ABR: variants seen among roughly 807,000 people sequenced by gnomAD.
ABR encodes the protein ABR activator of RhoGEF and GTPase, also known as active breakpoint cluster region-related protein.
In ABR, 35 loss-of-function variants were observed where a neutral mutation model predicts 107.2. That is an observed-to-expected ratio of 0.33 (90% CI 0.25 to 0.43). The LOEUF is 0.43. ABR is among the 20% of genes least tolerant of loss of function. The pLI, the probability that ABR is intolerant of heterozygous loss-of-function variation, is 1.00. For missense variants in ABR, 815 were observed against 1,115.2 expected (o/e 0.73, Z 3.83); for synonymous variants, 498 against 462.0 (o/e 1.08, Z -1.00).
chr17:1,011,053 G>A lies in ABR; in HGVS notation c.2102-190C>T, dbSNP rs1426201992. 1.5e-6 allele frequency: 1 copy of A among 677,306 alleles called. No individual in the cohort carries two copies. The highest frequency in any genetic ancestry group is 1.8e-5 in the African/African-American group (1 of 55,370). 42.0% of individuals were successfully genotyped at this position (677,306 alleles called of 1,614,324 possible). ...TGGGTCGGGGTTGGGGGAACAGGGA[G>A]AGATAGCCTGGGGGCCATCTGCTGT... is the stretch of plus-strand genomic sequence containing the variant. On this transcript the variant is annotated intron_variant, in intron 19 of 22. Transcript: ENST00000302538. The surrounding 1 kb of genome is among the most constrained non-coding windows in gnomAD (Gnocchi z 4.8).
chr17:1,028,502 A>G (rs917075691), intron 16 of ABR, among the ~76,000 whole-genome samples: 1 of 152,206 alleles, frequency 6.6e-6, no homozygotes, highest in African/African-American at 2.4e-5. Context: ...TTCTAAGACC[A>G]TCATGAGCCT....
At chr17:1,124,916 AC>A (rs1446662925) in intron 2 of ABR, among the ~76,000 whole-genome samples, 1 of 152,120 alleles carries the variant, frequency 6.6e-6, no homozygotes, top group Non-Finnish European at 1.5e-5. Context: ...TGAAAGAGGC[AC>A]GGAGGGGTCT....
chr17:1,126,268 T>C (rs1324454768), intron 1 of ABR: 3 of 152,480 alleles, frequency 2.0e-5, no homozygotes, highest in African/African-American at 7.2e-5. Flanking sequence ...CCCACCAGCA[T>C]GGCTATAGGA....
At chr17:1,043,702 G>A (rs1186012140) in intron 16 of ABR, among the ~76,000 whole-genome samples, 5 of 152,122 alleles carry the variant, frequency 3.3e-5, no homozygotes, top group African/African-American at 1.2e-4. Flanking sequence ...AATAAAGGCC[G>A]GACGCGGTGG....
chr17:1,084,001 G>T lies in ABR; in HGVS notation c.532-374C>A, dbSNP rs567850142. ...CTTCCTTCACATCCTGGAATTAGCC[G>T]GAGCAGGGAGAGAGGGGGGTGTGTG... On this transcript the variant is annotated intron_variant, in intron 4 of 22. Coordinates refer to ENST00000302538, the MANE Select transcript of ABR (RefSeq NM_021962.5). The surrounding 1 kb of genome is among the most constrained non-coding windows in gnomAD (Gnocchi z 4.2). Among the ~76,000 whole-genome samples, 1 of 152,162 alleles carries T rather than the reference G, an allele frequency of 6.6e-6. No individual in the cohort carries two copies. The highest frequency in any genetic ancestry group is 2.4e-5 in the African/African-American group (1 of 41,438).
Position 1,027,221 on chromosome 17 carries a change from T to C in ABR, c.1792-14057A>G, listed in dbSNP as rs1365419437. On this transcript the variant is annotated intron_variant, in intron 16 of 22. Coordinates refer to ENST00000302538, the MANE Select transcript of ABR (RefSeq NM_021962.5). This position sits in a 1 kb window ranked among gnomAD's most constrained non-coding sequence, Gnocchi z 4.7. ...CCCTGGTCCAGAGCCATCCAAAAGCTGGGGCACCGCGCCCAGCACCGCTGG... is the reference window on the plus strand; with the variant it reads ...CCCTGGTCCAGAGCCATCCAAAAGCCGGGGCACCGCGCCCAGCACCGCTGG... 6.6e-6 allele frequency among the ~76,000 whole-genome samples: 1 copy of C among 152,110 alleles called. No homozygotes were observed. Among genetic ancestry groups the C allele is most frequent in the Non-Finnish European group, 1.5e-5 (1 of 68,018 alleles).
intron 1 of ABR, among the ~76,000 whole-genome samples, chr17:1,128,230 G>A (rs2039681730): frequency 6.6e-6 from 1 of 152,224 alleles, no homozygotes; most frequent in African/African-American, 2.4e-5. Context: ...AAAAGATGGG[G>A]AAACCAATCC....
At chr17:1,214,383 G>A (rs2042959686) in intron 1 of ABR, among the ~76,000 whole-genome samples, 2 of 152,118 alleles carry the variant, frequency 1.3e-5, no homozygotes, top group South Asian at 2.1e-4. Flanking sequence ...CCACCCCAGG[G>A]ATGACTTAGG....
chr17:1,107,174 C>G (rs1199924041), intron 2 of ABR, among the ~76,000 whole-genome samples: 1 of 152,224 alleles, frequency 6.6e-6, no homozygotes, highest in Non-Finnish European at 1.5e-5. Flanking sequence ...AAGACACCAT[C>G]CCGGTGCTCA....
chr17:1,038,104 C>T (rs1353468843), intron 16 of ABR, among the ~76,000 whole-genome samples: 1 of 151,976 alleles, frequency 6.6e-6, no homozygotes, highest in African/African-American at 2.4e-5. Context: ...CTGGCTCACA[C>T]CTGCTTTTCC....
At chr17:1,201,414 C>G (rs557353141) in intron 1 of ABR, among the ~76,000 whole-genome samples, 1 of 152,144 alleles carries the variant, frequency 6.6e-6, no homozygotes, top group Non-Finnish European at 1.5e-5. Flanking sequence ...CCTGTTCCCT[C>G]GTTAGCACTC....
intron 1 of ABR, among the ~76,000 whole-genome samples, chr17:1,152,483 C>T (rs907225153): frequency 4.0e-5 from 6 of 148,486 alleles, no homozygotes; most frequent in East Asian, 2.0e-4. Context: ...CTCAGCTACT[C>T]GGGAGGCTGA....
At chr17:1,016,522 G>T (rs1185108872) in intron 16 of ABR, among the ~76,000 whole-genome samples, 1 of 151,852 alleles carries the variant, frequency 6.6e-6, no homozygotes, top group Admixed American at 6.6e-5. Flanking sequence ...CACCATGTTG[G>T]CCAGGCTGGT....
At chr17:1,044,846 G>A (rs1038086841) in intron 16 of ABR, among the ~76,000 whole-genome samples, 3 of 152,110 alleles carry the variant, frequency 2.0e-5, no homozygotes, top group Admixed American at 6.5e-5. Flanking sequence ...TCCCTTCTGC[G>A]GAAGCGGAGC....
chr17:1,025,689 A>T (rs1174328491), intron 16 of ABR, among the ~76,000 whole-genome samples: 2 of 152,142 alleles, frequency 1.3e-5, no homozygotes, highest in African/African-American at 4.8e-5. Flanking sequence ...TTCGTTCAAA[A>T]GTGATCCTCT....
intron 16 of ABR, among the ~76,000 whole-genome samples, chr17:1,033,920 G>C (rs1395136431): frequency 6.6e-6 from 1 of 151,038 alleles, no homozygotes. Context: ...TCTCCTCCAG[G>C]AAGGCTCTGC....
intron 16 of ABR, among the ~76,000 whole-genome samples, chr17:1,030,968 G>C (rs1185413288): frequency 6.6e-6 from 1 of 152,248 alleles, no homozygotes; most frequent in Non-Finnish European, 1.5e-5. Flanking sequence ...CCCAGCTGCA[G>C]GACAGTCGGC....
chr17:1,091,339 AGGAGCACCCTCCGGGAGAGAG>A (rs2037015974), intron 4 of ABR, among the ~76,000 whole-genome samples: 3 of 114,886 alleles, frequency 2.6e-5, no homozygotes, highest in Admixed American at 9.6e-5. Flanking sequence ...GGGAGGGAGA[AGGAGCACCCTCCGGGAGAGAG>A]ATGGTGCTCC....
At chr17:1,018,249 A>T (rs570507613) in intron 16 of ABR, among the ~76,000 whole-genome samples, 58 of 151,376 alleles carry the variant, frequency 3.8e-4, no homozygotes, top group Middle Eastern at 3.5e-3. Flanking sequence ...TCACCGTGTT[A>T]GCCAGGATGG....
Sources: gnomAD v4.1 joint callset for allele counts (sites outside exome capture counted in the v4.1 genomes callset) on GRCh38, gnomAD v4.1.1 for gene constraint, Gnocchi (gnomAD v3.1) non-coding constraint, MANE v1.5 for transcripts, NCBI Gene and HGNC (gene_info 2026-07-23, HGNC 2026-07-21) for gene names.